ROBO2: variants seen among roughly 807,000 people sequenced by gnomAD.
The protein encoded by ROBO2 is roundabout homolog 2.
A neutral mutation model predicts 160.8 loss-of-function variants in ROBO2; 53 were observed. The ratio of observed to expected loss-of-function variants is 0.33; its 90% CI spans 0.26 to 0.41. The LOEUF (loss-of-function observed/expected upper bound fraction) is 0.41, where lower values mean the gene tolerates loss of function less well. Ranked by LOEUF, ROBO2 falls within the 10% of genes least tolerant of loss-of-function variation. ROBO2 has a pLI of 1.00. For synonymous variants in ROBO2, 664 were observed against 611.7 expected (o/e 1.09, Z -1.26); for missense variants, 1,577 against 1,722.4 (o/e 0.92, Z 1.49).
chr3:75,982,524 T>G (rs1301950223), intron 2 of ROBO2, among the ~76,000 whole-genome samples: 2 of 151,672 alleles, frequency 1.3e-5, no homozygotes, highest in Non-Finnish European at 3.0e-5. Flanking sequence ...TGATGATCAG[T>G]GATGTTGAAC....
At chr3:76,021,450 A>G (rs1054322923) in intron 2 of ROBO2, among the ~76,000 whole-genome samples, 1 of 151,786 alleles carries the variant, frequency 6.6e-6, no homozygotes, top group Non-Finnish European at 1.5e-5. Context: ...TGCTTGATAT[A>G]AGAGACATTA....
At chr3:77,572,935 C>T (rs2093674086) in intron 13 of ROBO2, among the ~76,000 whole-genome samples, 1 of 151,942 alleles carries the variant, frequency 6.6e-6, no homozygotes, top group Non-Finnish European at 1.5e-5. Flanking sequence ...ATTTCAAATG[C>T]TGAACAAATT....
At chr3:77,057,930 T>C (rs773778502) in intron 1 of ROBO2, among the ~76,000 whole-genome samples, 49 of 152,174 alleles carry the variant, frequency 3.2e-4, no homozygotes, top group Non-Finnish European at 6.5e-4. Context: ...CCATGACACA[T>C]GTATACCTAT....
chr3:77,064,905 A>T (rs1451062563), intron 1 of ROBO2, among the ~76,000 whole-genome samples: 3 of 152,158 alleles, frequency 2.0e-5, no homozygotes, highest in Non-Finnish European at 4.4e-5. Context: ...GATGGCCACC[A>T]AGGAATATGG....
intron 2 of ROBO2, among the ~76,000 whole-genome samples, chr3:77,148,798 G>A (rs2077318562): frequency 6.6e-6 from 1 of 151,926 alleles, no homozygotes; most frequent in African/African-American, 2.4e-5. Context: ...AATCTAATAG[G>A]GAATTTTAAA....
intron 2 of ROBO2, among the ~76,000 whole-genome samples, chr3:76,293,955 C>A (rs1485195235): frequency 4.6e-5 from 7 of 152,170 alleles, no homozygotes; most frequent in Non-Finnish European, 1.0e-4. Context: ...TGCCTGCAGG[C>A]CCATGCTGAG....
intron 2 of ROBO2, among the ~76,000 whole-genome samples, chr3:76,415,534 G>T (rs3849488): frequency 6.6e-6 from 1 of 152,028 alleles, no homozygotes; most frequent in Non-Finnish European, 1.5e-5. Flanking sequence ...ATCAAGTTGG[G>T]GAGGCAAAAT....
At chr3:76,485,760 T>A (rs1021977277) in intron 2 of ROBO2, among the ~76,000 whole-genome samples, 4 of 152,230 alleles carry the variant, frequency 2.6e-5, no homozygotes, top group South Asian at 2.1e-4. Flanking sequence ...TTTTATAATT[T>A]AAAAAAATAA....
chr3:77,393,648 A>G (rs963111358), intron 2 of ROBO2, among the ~76,000 whole-genome samples: 10 of 150,176 alleles, frequency 6.7e-5, no homozygotes, highest in Middle Eastern at 3.5e-3. Context: ...ACTACTTTGC[A>G]AAGACAACTT....
At chr3:77,508,100 AAAG>A (rs1294416268) in intron 5 of ROBO2, among the ~76,000 whole-genome samples, 2 of 151,816 alleles carry the variant, frequency 1.3e-5, no homozygotes, top group African/African-American at 4.8e-5. Context: ...ATGAATGTAG[AAAG>A]AAGAAGTACA....
At chr3:77,463,894 A>G (rs1199320088) in intron 2 of ROBO2, among the ~76,000 whole-genome samples, 1 of 152,146 alleles carries the variant, frequency 6.6e-6, no homozygotes, top group Non-Finnish European at 1.5e-5. Context: ...CTTGAAGATC[A>G]TTAACTATTT....
chr3:77,032,265 C>G (rs1225099116), intron 2 of ROBO2, among the ~76,000 whole-genome samples: 1 of 152,104 alleles, frequency 6.6e-6, no homozygotes, highest in Non-Finnish European at 1.5e-5. Context: ...CTGGGTGATT[C>G]TGTAGGCTTT....
chr3:76,225,574 G>T (rs1364884630), intron 2 of ROBO2, among the ~76,000 whole-genome samples: 1 of 152,060 alleles, frequency 6.6e-6, no homozygotes, highest in African/African-American at 2.4e-5. Flanking sequence ...ACTTAGCTGG[G>T]CATGGCAGCA....
chr3:76,119,916 C>CCCTCCCTTCCTTCCTCCCTT lies in ROBO2; in HGVS notation c.109+182317_109+182318insCCCTTCCTTCCTCCCTTCCT, dbSNP rs1377854643. Among the ~76,000 whole-genome samples the CCCTCCCTTCCTTCCTCCCTT allele has an allele frequency of 3.0e-3, 262 of 88,170 alleles. 7 individuals are homozygous for CCCTCCCTTCCTTCCTCCCTT. Among genetic ancestry groups the CCCTCCCTTCCTTCCTCCCTT allele is most frequent in the African/African-American group, 0.012 (243 of 20,896 alleles). 57.8% of individuals were successfully genotyped at this position (88,170 alleles called of 152,430 possible). ...CCTTCCTTCCCTTCCTTCCCTCCCT[C>CCCTCCCTTCCTTCCTCCCTT]CCTTCCTTCCTTCCTTCCTTCCTTC... is the stretch of plus-strand genomic sequence containing the variant. On this transcript the variant is annotated intron_variant, in intron 2 of 26. Coordinates refer to the ROBO2 transcript ENST00000487694.
At chr3:77,365,827 G>T (rs960412348) in intron 2 of ROBO2, among the ~76,000 whole-genome samples, 4 of 143,346 alleles carry the variant, frequency 2.8e-5, no homozygotes, top group Non-Finnish European at 6.2e-5. Flanking sequence ...ATGAAATGCA[G>T]ATGTGAATGG....
chr3:75,948,470 C>A (rs1331188114), intron 2 of ROBO2, among the ~76,000 whole-genome samples: 1 of 152,012 alleles, frequency 6.6e-6, no homozygotes, highest in Non-Finnish European at 1.5e-5. Context: ...CATACCCTAG[C>A]CACATGCCAA....
At chr3:77,060,822 G>A (rs2066224589) in intron 1 of ROBO2, among the ~76,000 whole-genome samples, 1 of 152,080 alleles carries the variant, frequency 6.6e-6, no homozygotes, top group Non-Finnish European at 1.5e-5. Flanking sequence ...TAACTAACAG[G>A]CACCAAGCAA....
intron 2 of ROBO2, among the ~76,000 whole-genome samples, chr3:76,905,226 T>C (rs1457027530): frequency 1.3e-5 from 2 of 152,104 alleles, no homozygotes; most frequent in East Asian, 3.9e-4. Flanking sequence ...AGTTTTCCTC[T>C]CTGCTCTTCA....
intron 1 of ROBO2, among the ~76,000 whole-genome samples, chr3:75,924,231 C>T (rs1433202018): frequency 1.3e-5 from 2 of 152,004 alleles, no homozygotes; most frequent in South Asian, 4.1e-4. Flanking sequence ...TGCTAATCAC[C>T]TGACCTTAAA....
Sources: allele counts gnomAD v4.1 joint callset (sites outside exome capture counted in the v4.1 genomes callset), GRCh38; gene constraint gnomAD v4.1.1; transcripts MANE v1.5; gene names NCBI Gene and HGNC (gene_info 2026-07-23, HGNC 2026-07-21).